ANKS1B: variants seen among roughly 807,000 people sequenced by gnomAD.
The protein encoded by ANKS1B is ankyrin repeat and sterile alpha motif domain containing 1B.
ANKS1B carries 36 observed loss-of-function variants against 148.3 expected under a neutral mutation model. The observed-to-expected ratio is 0.24, with a 90% CI of 0.19 to 0.32. The LOEUF (loss-of-function observed/expected upper bound fraction) is 0.32, where lower values mean the gene tolerates loss of function less well. ANKS1B is among the 10% of genes least tolerant of loss of function. The probability of loss-of-function intolerance (pLI) is 1.00; values close to 1 mark genes in which losing one functional copy is unlikely to be tolerated. For missense variants in ANKS1B, 1,157 were observed against 1,542.6 expected (o/e 0.75, Z 4.19); for synonymous variants, 542 against 560.8 (o/e 0.97, Z 0.47).
chr12:98,946,756 C>T (rs550322346), intron 17 of ANKS1B, among the ~76,000 whole-genome samples: 2 of 151,346 alleles, frequency 1.3e-5, no homozygotes, highest in East Asian at 1.9e-4. Flanking sequence ...GGAAACATAG[C>T]GATACCTTAT....
At chr12:99,698,582 T>C (rs1313171067) in intron 8 of ANKS1B, among the ~76,000 whole-genome samples, 1 of 152,110 alleles carries the variant, frequency 6.6e-6, no homozygotes, top group African/African-American at 2.4e-5. Flanking sequence ...AAAAAAATGC[T>C]TTCTACCATT....
chr12:99,619,975 G>A (rs1221557842), intron 9 of ANKS1B, among the ~76,000 whole-genome samples: 1 of 152,148 alleles, frequency 6.6e-6, no homozygotes, highest in Non-Finnish European at 1.5e-5. Context: ...CATTGCCTAA[G>A]ACAAAAGAGA....
chr12:99,101,206 T>C (rs919505681), intron 15 of ANKS1B, among the ~76,000 whole-genome samples: 8 of 152,138 alleles, frequency 5.3e-5, no homozygotes, highest in African/African-American at 1.9e-4. Context: ...CAAGTTGTTT[T>C]ATGCCTGGAA....
At chr12:99,032,168 T>C (rs867925949) in intron 17 of ANKS1B, among the ~76,000 whole-genome samples, 3 of 152,220 alleles carry the variant, frequency 2.0e-5, no homozygotes, top group East Asian at 1.9e-4. Context: ...ATTTATCACA[T>C]AGTCTATTGC....
intron 5 of ANKS1B, 42 bp from the exon 6 acceptor site, chr12:99,780,014 G>A (rs1204311478): frequency 7.6e-7 from 1 of 1,323,082 alleles, no homozygotes. Flanking sequence ...CACCACTGAA[G>A]TATCCTCAAA....
At chr12:99,967,143 TATG>T (rs1430798426) in intron 1 of ANKS1B, among the ~76,000 whole-genome samples, 1 of 152,188 alleles carries the variant, frequency 6.6e-6, no homozygotes, top group Non-Finnish European at 1.5e-5. Flanking sequence ...GATTTATAAT[TATG>T]AATAATTTAT....
chr12:99,100,325 C>G (rs1163408867), intron 15 of ANKS1B, among the ~76,000 whole-genome samples: 1 of 152,192 alleles, frequency 6.6e-6, no homozygotes, highest in East Asian at 1.9e-4. Flanking sequence ...CTTCTTTATT[C>G]ATTGACTTAT....
chr12:99,311,213 G>A (rs2083117216), intron 12 of ANKS1B, among the ~76,000 whole-genome samples: 1 of 152,084 alleles, frequency 6.6e-6, no homozygotes, highest in African/African-American at 2.4e-5. Context: ...TCTAGAGATG[G>A]ATAGCCCAGT....
intron 17 of ANKS1B, among the ~76,000 whole-genome samples, chr12:99,005,790 A>G (rs1478557362): frequency 6.6e-6 from 1 of 152,180 alleles, no homozygotes; most frequent in Non-Finnish European, 1.5e-5. Context: ...ACACACACAC[A>G]CGCACATGCA....
chr12:99,324,203 T>C (rs921606532), intron 12 of ANKS1B, among the ~76,000 whole-genome samples: 9 of 152,184 alleles, frequency 5.9e-5, no homozygotes, highest in African/African-American at 2.2e-4. Flanking sequence ...ACAGCTGACA[T>C]TTATCTAAAT....
At chr12:98,856,278 T>G (rs1361166539) in intron 17 of ANKS1B, among the ~76,000 whole-genome samples, 1 of 152,174 alleles carries the variant, frequency 6.6e-6, no homozygotes, top group Non-Finnish European at 1.5e-5. Context: ...AGCCATACAC[T>G]CACTAATGGT....
chr12:98,745,725 G>T lies in ANKS1B; in HGVS notation c.*14C>A, dbSNP rs2097865997. The T allele has an allele frequency of 6.2e-7, 1 of 1,612,846 alleles. No homozygotes were observed. Among genetic ancestry groups the T allele is most frequent in the Non-Finnish European group, 8.5e-7 (1 of 1,179,344 alleles). ...GGCGAGCAAGGCACCGCGAGGACAG[G>T]AGGACGGCGAGTATCAGAAAATCGT... is the stretch of plus-strand genomic sequence containing the variant. On this transcript the variant is annotated 3_prime_UTR_variant, in exon 27 of 27. Coordinates refer to ENST00000683438, the MANE Select transcript of ANKS1B (RefSeq NM_001352186.2).
At chr12:99,340,995 A>G (rs1017923053) in intron 12 of ANKS1B, 1 of 152,160 alleles carries the variant, frequency 6.6e-6, no homozygotes, top group Non-Finnish European at 1.5e-5. Flanking sequence ...AATTTTATCT[A>G]TATCCATCTA....
intron 14 of ANKS1B, among the ~76,000 whole-genome samples, chr12:99,188,778 TAAAA>T (rs1459122998): frequency 6.6e-6 from 1 of 151,864 alleles, no homozygotes; most frequent in Non-Finnish European, 1.5e-5. Flanking sequence ...ACATCACAAT[TAAAA>T]GAACTAGAGA....
chr12:99,944,594 C>T (rs1025951857), intron 1 of ANKS1B, among the ~76,000 whole-genome samples: 1 of 152,106 alleles, frequency 6.6e-6, no homozygotes. Context: ...GGAATGGGTG[C>T]TGGACTCGCA....
chr12:98,790,500 T>C (rs1467478996), intron 22 of ANKS1B, among the ~76,000 whole-genome samples: 1 of 152,088 alleles, frequency 6.6e-6, no homozygotes, highest in Admixed American at 6.5e-5. Context: ...AGTATTTTTT[T>C]TGGTAGAGAT....
chr12:99,088,556 T>C (rs2052778681), intron 15 of ANKS1B, among the ~76,000 whole-genome samples: 1 of 146,746 alleles, frequency 6.8e-6, no homozygotes, highest in Admixed American at 6.7e-5. Flanking sequence ...AGAATATATA[T>C]TTTTTTTTGA....
chr12:99,512,209 A>G (rs2096773883), intron 9 of ANKS1B, among the ~76,000 whole-genome samples: 1 of 152,028 alleles, frequency 6.6e-6, no homozygotes, highest in Non-Finnish European at 1.5e-5. Context: ...AGTTAAATAT[A>G]TAAGAAAAAA....
chr12:99,914,776 C>T (rs932868070), intron 1 of ANKS1B, among the ~76,000 whole-genome samples: 8 of 151,946 alleles, frequency 5.3e-5, no homozygotes, highest in African/African-American at 1.5e-4. Flanking sequence ...ACCTCTGGGC[C>T]GGCAGAATCC....
Sources: allele counts gnomAD v4.1 joint callset (sites outside exome capture counted in the v4.1 genomes callset), GRCh38; gene constraint gnomAD v4.1.1; transcripts MANE v1.5; gene names NCBI Gene and HGNC (gene_info 2026-07-23, HGNC 2026-07-21).